Variants in RBM25 observed in about 807,000 individuals in gnomAD.
RBM25 encodes RNA-binding protein 25.
RBM25 carries 19 observed loss-of-function variants against 120.7 expected under a neutral mutation model. The observed-to-expected ratio is 0.16, with a 90% confidence interval of 0.11 to 0.23. RBM25 has a LOEUF of 0.23. RBM25 is among the 10% of genes least tolerant of loss of function. The pLI, the probability that RBM25 is intolerant of heterozygous loss-of-function variation, is 1.00. For missense variants in RBM25, 605 were observed against 1,041.5 expected (o/e 0.58, Z 5.77); for synonymous variants, 390 against 326.7 (o/e 1.19, Z -2.09).
In RBM25 at chr14:73,071,672, C is replaced by T. The variant is rs769862511; in HGVS notation, c.31C>T (p.Pro11Ser). 2 of 1,614,012 alleles carry T rather than the reference C, an allele frequency of 1.2e-6. No individual in the cohort carries two copies. Among genetic ancestry groups the T allele is most frequent in the East Asian group, 2.2e-5 (1 of 44,858 alleles). Residue 11 changes from proline (P) to serine (S), a missense_variant, in exon 2 of 19, where the codon CCC (proline) becomes TCC (serine). Physicochemically the swap from Pro to Ser is moderately conservative, Grantham distance 74. Coordinates refer to ENST00000261973, the MANE Select transcript of RBM25 (RefSeq NM_021239.3). ...TTTTCCACCTCATTTGAATCGCCCT[C>T]CCATGGGAATCCCAGCACTCCCACC... MSFPPHLNRP[P>S]MGIPALPPGI... is the part of the protein sequence containing the mutation.
At position 73,110,907 on chromosome 14, in the gene RBM25, A is replaced by G. The variant is rs1265796040; in HGVS notation, c.1769A>G (p.Lys590Arg). 2 of 1,612,550 alleles carry G rather than the reference A, an allele frequency of 1.2e-6. No individual in the cohort carries two copies. Among genetic ancestry groups the G allele is most frequent in the Non-Finnish European group, 1.7e-6 (2 of 1,179,274 alleles). ...GAATCAGAAGAGGAGGAAGAAGAAA[A>G]GCAAGAAAAAGAAGAAAAACGAGAA... The part of the protein sequence containing the change: ...EPESEEEEEE[K>R]QEKEEKREEP... The change falls in exon 15 of 19, where the codon AAG becomes AGG. Residue 590 changes from lysine to arginine, a missense_variant. Physicochemically the swap from Lys to Arg is conservative, Grantham distance 26 (BLOSUM62 2). This residue lies in a region of RBM25 where 465 missense variants were observed against 741.6 expected (regional missense o/e 0.63). Coordinates refer to ENST00000261973, the MANE Select transcript of RBM25 (RefSeq NM_021239.3).
chr14:73,103,973 C>T (rs1411123194), intron 10 of RBM25, among the ~76,000 whole-genome samples: 1 of 147,642 alleles, frequency 6.8e-6, no homozygotes, highest in Admixed American at 6.8e-5. Context: ...CACACACACA[C>T]ACACACACAC....
At chr14:73,078,445 C>A (rs1895476886) in intron 4 of RBM25, among the ~76,000 whole-genome samples, 1 of 152,080 alleles carries the variant, frequency 6.6e-6, no homozygotes, top group Non-Finnish European at 1.5e-5. Context: ...GAGCTATGAT[C>A]TTGTAATTGC....
chr14:73,071,938 A>AT (rs752642810), intron 2 of RBM25, among the ~76,000 whole-genome samples, 191 bp downstream of exon 2: 8 of 147,948 alleles, frequency 5.4e-5, no homozygotes, highest in African/African-American at 5.0e-5. Context: ...TCATCTGGAA[A>AT]TTTTTTTTTT....
intron 6 of RBM25, among the ~76,000 whole-genome samples, chr14:73,092,307 C>T (rs1173221420): frequency 1.3e-5 from 2 of 151,452 alleles, no homozygotes; most frequent in Admixed American, 6.6e-5. Flanking sequence ...TGGCTACTGC[C>T]GCCATGATTT....
At chr14:73,068,387 A>ATTTTTTTTTTTT (rs34314453) in intron 1 of RBM25, 7 of 476,992 alleles carry the variant, frequency 1.5e-5, no homozygotes, top group African/African-American at 2.3e-5. Context: ...CTTGTATTTG[A>ATTTTTTTTTTTT]TTTTTTTTTT....
Position 73,123,791 on chromosome 14 carries a change from T to C in RBM25, c.*3986T>C, listed in dbSNP as rs553039439. ...TCTTTGCATTTCATTACTTGAGTCATGAAGGCGAAATTAAAGAATGGCAGT... is the reference window on the plus strand; with the variant it reads ...TCTTTGCATTTCATTACTTGAGTCACGAAGGCGAAATTAAAGAATGGCAGT... On this transcript the variant is annotated 3_prime_UTR_variant, in exon 19 of 19. Transcript: ENST00000261973. 2.0e-5 allele frequency: 3 copies of C among 152,268 alleles called. No individual in the cohort carries two copies. In the South Asian group the frequency reaches 6.2e-4, roughly 32 times the overall value. 9.4% of individuals were successfully genotyped at this position (152,268 alleles called of 1,614,324 possible).
intron 9 of RBM25, chr14:73,101,882 C>T (rs759806111): frequency 2.0e-5 from 3 of 152,112 alleles, no homozygotes; most frequent in Non-Finnish European, 2.9e-5. Context: ...CCTTTAATAG[C>T]TGTTAGTTTC....
chr14:73,100,043 A>C (rs1378915874), intron 9 of RBM25: 2 of 469,768 alleles, frequency 4.3e-6, no homozygotes, highest in Non-Finnish European at 7.4e-6. Flanking sequence ...GTCAGACTTA[A>C]ATTAGATTCA....
At chr14:73,074,093 T>C (rs1402252805) in intron 2 of RBM25, among the ~76,000 whole-genome samples, 2 of 152,226 alleles carry the variant, frequency 1.3e-5, no homozygotes, top group African/African-American at 4.8e-5. Context: ...TCAAACAGAT[T>C]AATAGTTATA....
At chr14:73,068,708 C>T (rs926931207) in intron 1 of RBM25, 7 of 315,014 alleles carry the variant, frequency 2.2e-5, no homozygotes, top group Non-Finnish European at 4.3e-5. Flanking sequence ...GCTGCAGCAC[C>T]AGCCTCTCAT....
rs1198201522 is a variant in RBM25, at chr14:73,076,382, A to G, written c.156+14A>G. On this transcript the variant is annotated intron_variant, in intron 3 of 18. Transcript: ENST00000261973. ...CCTGCTCCAACTGTAAGTATAACTT[A>G]AAGGAGGAATCATGAGTTATGGTAG... The G allele has an allele frequency of 6.2e-7, 1 of 1,601,816 alleles. No homozygotes were observed. Among genetic ancestry groups the G allele is most frequent in the Non-Finnish European group, 8.6e-7 (1 of 1,169,010 alleles).
Position 73,071,740 on chromosome 14 carries a change from A to G in RBM25, c.99A>G (p.Val33=). The stretch of plus-strand genomic sequence containing the variant: ...AGTTTCCAGGATTTCCTCCACCTGT[A>G]CCTCCAGGTAAGTTTGTTGATACTG... ...PPQFPGFPPP[V]PPGTPMIPVP... Residue 33 remains valine, a synonymous_variant, in exon 2 of 19, where the codon GTA becomes GTG. Transcript: ENST00000261973. 1.2e-6 allele frequency: 2 copies of G among 1,610,488 alleles called. No individual in the cohort carries two copies. The highest frequency in any genetic ancestry group is 1.7e-6 in the Non-Finnish European group (2 of 1,176,882).
intron 7 of RBM25, 93 bp downstream of exon 7, chr14:73,097,193 T>TTTTTTTTG: frequency 2.3e-6 from 1 of 433,996 alleles, no homozygotes; most frequent in Non-Finnish European, 3.0e-6. Flanking sequence ...TCTTTTTTCT[T>TTTTTTTTG]TTCTTTTTTT....
intron 12 of RBM25, 40 bp downstream of exon 12, chr14:73,106,325 A>AAG: frequency 6.7e-7 from 1 of 1,501,568 alleles, no homozygotes. Flanking sequence ...TTCAGGTAAA[A>AAG]AGTCAGATTG....
intron 5 of RBM25, 107 bp from the exon 6 acceptor site, chr14:73,087,894 T>G: frequency 1.9e-6 from 2 of 1,049,444 alleles, no homozygotes; most frequent in Non-Finnish European, 2.7e-6. Flanking sequence ...ATGAATTGAG[T>G]GGTCTTTGTA....
chr14:73,109,225 T>C, intron 13 of RBM25, 117 bp from the exon 14 acceptor site: 1 of 1,099,886 alleles, frequency 9.1e-7, no homozygotes, highest in Non-Finnish European at 1.3e-6. Context: ...ATTAAGACAT[T>C]CTTTAACCTC....
intron 7 of RBM25, among the ~76,000 whole-genome samples, chr14:73,097,784 T>C (rs1053515440): frequency 6.6e-6 from 1 of 152,178 alleles, no homozygotes; most frequent in African/African-American, 2.4e-5. Context: ...ACAATAATGG[T>C]ATTGAATAAT....
chr14:73,103,948 T>TCACA (rs368961634), intron 10 of RBM25, among the ~76,000 whole-genome samples: 102 of 91,358 alleles, frequency 1.1e-3, no homozygotes, highest in Non-Finnish European at 1.8e-3. Context: ...TCTCTCTCTC[T>TCACA]CACACACACA....
Sources: gnomAD v4.1 joint callset for allele counts (sites outside exome capture counted in the v4.1 genomes callset) on GRCh38, gnomAD v4.1.1 for gene constraint, gnomAD v4.1.1 regional missense constraint, MANE v1.5 for transcripts, NCBI Gene and HGNC (gene_info 2026-07-23, HGNC 2026-07-21) for gene names.